Variants in DHCR24 observed in about 807,000 individuals in gnomAD.
The protein encoded by DHCR24 is delta(24)-sterol reductase.
In DHCR24, 28 loss-of-function variants were observed where a neutral mutation model predicts 61.2. The ratio of observed to expected loss-of-function variants is 0.46; its 90% CI spans 0.34 to 0.63. The LOEUF (loss-of-function observed/expected upper bound fraction) is 0.63. Ranked by LOEUF, DHCR24 falls within the 20% of genes least tolerant of loss-of-function variation. The pLI is 0.01. For missense variants in DHCR24, 538 were observed against 679.1 expected (o/e 0.79, Z 2.31); for synonymous variants, 261 against 275.9 (o/e 0.95, Z 0.54).
Position 54,871,372 on chromosome 1 carries a change from GT to G in DHCR24, c.853del (p.Thr285GlnfsTer9). The G allele has an allele frequency of 6.2e-7, 1 of 1,614,070 alleles. No individual in the cohort carries two copies. Among genetic ancestry groups the G allele is most frequent in the South Asian group, 1.1e-5 (1 of 91,072 alleles). On this transcript the variant is annotated frameshift_variant, in exon 5 of 9. Coordinates refer to ENST00000371269, the MANE Select transcript of DHCR24 (RefSeq NM_014762.4). LOFTEE classifies it high-confidence loss of function. ...DEAVIMTGVMTDEAEPSKLNS... is the reference protein window; with the variant it reads ...DEAVIMTGVMXDEAEPSKLNS... ...TACCTTGCTGGGCTCTGCCTCATCT[GT>G]CATGACCCCTGTCATAATGACAGCC...
Position 54,852,125 on chromosome 1 carries a change from TG to T in DHCR24, c.*107del. On this transcript the variant is annotated 3_prime_UTR_variant, in exon 9 of 9. Transcript: ENST00000371269. ...TGTTGGGCTGTCAGGGTGGGAGTTC[TG>T]GAGGGGTTTCTCTTTGAAAGTGTGG... is the stretch of plus-strand genomic sequence containing the variant. 1 of 1,386,588 alleles carries T rather than the reference TG, an allele frequency of 7.2e-7. No homozygotes were observed. Among genetic ancestry groups the T allele is most frequent in the Non-Finnish European group, 1.0e-6 (1 of 1,004,540 alleles). 85.9% of individuals were successfully genotyped at this position (1,386,588 alleles called of 1,614,324 possible). A position where few individuals can be genotyped will look rare whatever the true frequency, so the allele number is the denominator to read the frequency against.
intron 6 of DHCR24, among the ~76,000 whole-genome samples, chr1:54,857,301 T>C (rs1013450485): frequency 6.6e-6 from 1 of 152,226 alleles, no homozygotes; most frequent in Non-Finnish European, 1.5e-5. Flanking sequence ...TAGGGCCCCA[T>C]GGCAAATCTA....
At chr1:54,879,354 C>T (rs998950480) in intron 2 of DHCR24, among the ~76,000 whole-genome samples, 2 of 112,260 alleles carry the variant, frequency 1.8e-5, no homozygotes, top group African/African-American at 7.1e-5. Context: ...AAAAAAAAAT[C>T]CAAATCAAAC....
intron 2 of DHCR24, among the ~76,000 whole-genome samples, chr1:54,881,467 A>T (rs532008929): frequency 1.3e-5 from 2 of 152,346 alleles, no homozygotes; most frequent in South Asian, 4.1e-4. Flanking sequence ...CAGAATGGCT[A>T]TTATTAAAAA....
At chr1:54,857,313 G>A (rs1418893657) in intron 6 of DHCR24, among the ~76,000 whole-genome samples, 2 of 152,234 alleles carry the variant, frequency 1.3e-5, no homozygotes, top group Non-Finnish European at 2.9e-5. Context: ...GCAAATCTAA[G>A]GGGCCCAGCC....
At chr1:54,878,198 A>AT (rs1647044592) in intron 2 of DHCR24, among the ~76,000 whole-genome samples, 2 of 150,898 alleles carry the variant, frequency 1.3e-5, no homozygotes, top group South Asian at 4.2e-4. Flanking sequence ...CAGGGAAAAA[A>AT]CTGCCAGAAA....
intron 6 of DHCR24, among the ~76,000 whole-genome samples, chr1:54,859,104 G>A (rs1443978570): frequency 6.6e-6 from 1 of 152,204 alleles, no homozygotes; most frequent in Non-Finnish European, 1.5e-5. Flanking sequence ...AAAAGGCACT[G>A]CAGACTCTTC....
intron 2 of DHCR24, among the ~76,000 whole-genome samples, chr1:54,879,360 C>CAAAAAAAAAAA (rs1647053326): frequency 7.8e-6 from 1 of 128,274 alleles, no homozygotes; most frequent in Non-Finnish European, 1.6e-5. Flanking sequence ...AAATCCAAAT[C>CAAAAAAAAAAA]AAACTTCTGG....
Position 54,851,321 on chromosome 1 carries a change from C to G in DHCR24, c.*912G>C, listed in dbSNP as rs1176980289. On this transcript the variant is annotated 3_prime_UTR_variant, in exon 9 of 9. Coordinates refer to ENST00000371269, the MANE Select transcript of DHCR24 (RefSeq NM_014762.4). The stretch of plus-strand genomic sequence containing the variant: ...CCCCAGCCCCTGCTGCAGAGCAGCG[C>G]GGACCCACTCCCACCAAGACAAAGT... 1 of 152,668 alleles carries G rather than the reference C, an allele frequency of 6.6e-6. No homozygotes were observed. The highest frequency in any genetic ancestry group is 1.5e-5 in the Non-Finnish European group (1 of 68,118). 9.5% of individuals were successfully genotyped at this position (152,668 alleles called of 1,614,324 possible).
At chr1:54,869,620 G>T (rs906150163) in intron 5 of DHCR24, among the ~76,000 whole-genome samples, 1 of 151,668 alleles carries the variant, frequency 6.6e-6, no homozygotes, top group Non-Finnish European at 1.5e-5. Context: ...AATAGGTCTC[G>T]GCTGGGTGTG....
In DHCR24 at chr1:54,878,581, G is replaced by GGA. The variant is rs367866000; in HGVS notation, c.388-2536_388-2535dup. 1.0e-3 allele frequency among the ~76,000 whole-genome samples: 157 copies of GGA among 149,636 alleles called. 1 individual carries two copies. The highest frequency in any genetic ancestry group is 3.6e-3 in the African/African-American group (148 of 40,600). Reference sequence around the variant, plus strand: ...TAGTACCAGGGACTCACACAGGGCAGGAGATAGTGTCTGTTCCCACAAGCC... The same window carrying GGA: ...TAGTACCAGGGACTCACACAGGGCAGGAGAGATAGTGTCTGTTCCCACAAGCC... On this transcript the variant is annotated intron_variant, in intron 2 of 8. Coordinates refer to ENST00000371269, the MANE Select transcript of DHCR24 (RefSeq NM_014762.4).
intron 1 of DHCR24, among the ~76,000 whole-genome samples, chr1:54,886,119 G>A (rs1647093415): frequency 6.6e-6 from 1 of 152,190 alleles, no homozygotes; most frequent in Non-Finnish European, 1.5e-5. Flanking sequence ...GCCAACAAGA[G>A]AGGAACATAA....
At position 54,871,377 on chromosome 1, in the gene DHCR24, G is replaced by C. The variant is rs375934272; in HGVS notation, c.849C>G (p.Val283=). The C allele has an allele frequency of 4.8e-5, 78 of 1,613,970 alleles. No individual in the cohort carries two copies. Among genetic ancestry groups the C allele is most frequent in the Non-Finnish European group, 6.6e-5 (78 of 1,180,044 alleles). Residue 283 remains valine, a synonymous_variant, in exon 5 of 9, where the codon GTC becomes GTG. Transcript: ENST00000371269. ...TGCTGGGCTCTGCCTCATCTGTCAT[G>C]ACCCCTGTCATAATGACAGCCTCAT... ...SLDEAVIMTG[V]MTDEAEPSKL... is the part of the protein sequence containing the mutation.
intron 5 of DHCR24, among the ~76,000 whole-genome samples, chr1:54,867,620 G>A (rs1033311090): frequency 2.0e-5 from 3 of 152,132 alleles, no homozygotes; most frequent in Non-Finnish European, 2.9e-5. Context: ...TGGCAGCAGA[G>A]CCACTTTGGG....
In DHCR24 at chr1:54,875,904, C is replaced by T. The variant is rs375030087; in HGVS notation, c.493+38G>A. The stretch of plus-strand genomic sequence containing the variant: ...GGCCCATCAGCTCCGGTCCTAGGAC[C>T]GTGTGTCTCTTCTTGCCCGTTAATA... On this transcript the variant is annotated intron_variant, in intron 3 of 8. Coordinates refer to ENST00000371269, the MANE Select transcript of DHCR24 (RefSeq NM_014762.4). 10 of 1,560,840 alleles carry T rather than the reference C, an allele frequency of 6.4e-6. No homozygotes were observed. In the East Asian group the frequency reaches 9.0e-5, roughly 14 times the overall value.
intron 2 of DHCR24, among the ~76,000 whole-genome samples, chr1:54,882,668 G>A (rs963860733): frequency 1.3e-5 from 2 of 152,238 alleles, no homozygotes; most frequent in African/African-American, 4.8e-5. Context: ...AGCAGTGAAA[G>A]AGAATGAACT....
At chr1:54,881,914 G>GC (rs1443742956) in intron 2 of DHCR24, among the ~76,000 whole-genome samples, 1 of 152,134 alleles carries the variant, frequency 6.6e-6, no homozygotes, top group Non-Finnish European at 1.5e-5. Flanking sequence ...ATAAGTGGGA[G>GC]CTAAATGATG....
chr1:54,883,850 G>A lies in DHCR24; in HGVS notation c.232-77C>T. On this transcript the variant is annotated intron_variant, in intron 1 of 8. Coordinates refer to ENST00000371269, the MANE Select transcript of DHCR24 (RefSeq NM_014762.4). This position sits in a 1 kb window ranked among gnomAD's most constrained non-coding sequence, Gnocchi z 4.3. ...AGCCTGCAGCCCTGCTTTCTTCAAG[G>A]GCGAGCTGGGAATGATGCCTCCATC... is the stretch of plus-strand genomic sequence containing the variant. 1 of 1,594,464 alleles carries A rather than the reference G, an allele frequency of 6.3e-7. No homozygotes were observed. Among genetic ancestry groups the A allele is most frequent in the Non-Finnish European group, 8.6e-7 (1 of 1,167,768 alleles).
At chr1:54,882,091 T>C (rs1023193079) in intron 2 of DHCR24, among the ~76,000 whole-genome samples, 2 of 150,274 alleles carry the variant, frequency 1.3e-5, no homozygotes, top group Non-Finnish European at 2.9e-5. Context: ...TTTACCTATA[T>C]AACAAACCTG....
Sources: gnomAD v4.1 joint callset for allele counts (sites outside exome capture counted in the v4.1 genomes callset) on GRCh38, gnomAD v4.1.1 for gene constraint, Gnocchi (gnomAD v3.1) non-coding constraint, MANE v1.5 for transcripts, NCBI Gene and HGNC (gene_info 2026-07-23, HGNC 2026-07-21) for gene names.